PITX3: variants seen among roughly 807,000 people sequenced by gnomAD.
PITX3 encodes the protein pituitary homeobox 3.
A neutral mutation model predicts 14.2 loss-of-function variants in PITX3; 4 were observed. That is an observed-to-expected ratio of 0.28 (90% CI 0.14 to 0.65). PITX3 has a LOEUF of 0.65. Among genes scored for constraint, PITX3 ranks in the 30% least tolerant of loss-of-function variants. The pLI, the probability that PITX3 is intolerant of heterozygous loss-of-function variation, is 0.82. For synonymous variants in PITX3, 194 were observed against 204.5 expected, an observed-to-expected ratio of 0.95 and a Z score of 0.44; for missense variants, 358 against 426.8, an observed-to-expected ratio of 0.84 and a Z score of 1.42.
rs1564992032 is a variant in PITX3 at position 102,232,023 on chromosome 10, C to T, written c.58G>A (p.Asp20Asn). 1.2e-6 allele frequency: 2 copies of T among 1,608,922 alleles called. No individual in the cohort carries two copies. The highest frequency in any genetic ancestry group is 1.7e-6 in the Non-Finnish European group (2 of 1,179,294). ...AGCTGGGGGTGCGGAGTGCCAGCGT[C>T]TGACAGCGACAGGGCAGGGCTCCGG... ...EARSPALSLS[D>N]AGTPHPQLPE... Residue 20 changes from aspartate (D) to asparagine (N), a missense_variant, in exon 2 of 4, where the codon GAC becomes AAC. By Grantham distance (23) the Asp-to-Asn change is conservative (BLOSUM62 1). Coordinates refer to ENST00000370002, the MANE Select transcript of PITX3 (RefSeq NM_005029.4).
Position 102,232,086 on chromosome 10 carries a change from G to A in PITX3, c.-6C>T. 3 of 1,555,650 alleles carry A rather than the reference G, an allele frequency of 1.9e-6. No homozygotes were observed. Among genetic ancestry groups the A allele is most frequent in the Non-Finnish European group, 1.8e-6 (2 of 1,140,188 alleles). ...CTGAGCAGGCCGAACTCCATGGAGG[G>A]AGGGCTCTGGAGGCGAGAGAAGACA... is the stretch of plus-strand genomic sequence containing the variant. On this transcript the variant is annotated 5_prime_UTR_variant, in exon 2 of 4. Coordinates refer to ENST00000370002, the MANE Select transcript of PITX3 (RefSeq NM_005029.4).
Position 102,230,385 on chromosome 10 carries a change from G to T in PITX3, c.*129C>A. ...GAGGGGAAGGCCCTCTCCTGAGCCG[G>T]TGCCCCCCAGCTGCCCAAACACCCC... is the stretch of plus-strand genomic sequence containing the variant. On this transcript the variant is annotated 3_prime_UTR_variant, in exon 4 of 4. Transcript: ENST00000370002. The T allele has an allele frequency of 7.2e-7, 1 of 1,393,864 alleles. No individual in the cohort carries two copies. The allele number at this position is 1,393,864 out of a possible 1,614,324, so 86.3% of individuals were successfully genotyped here.
chr10:102,232,390 T>C (rs2070270360), intron 1 of PITX3, among the ~76,000 whole-genome samples: 2 of 152,152 alleles, frequency 1.3e-5, no homozygotes, highest in South Asian at 4.1e-4. Context: ...TTAATAAAAA[T>C]GTAGACTATA....
chr10:102,238,081 G>C (rs1007709723), intron 1 of PITX3, among the ~76,000 whole-genome samples: 5 of 152,160 alleles, frequency 3.3e-5, no homozygotes, highest in African/African-American at 1.2e-4. Context: ...GCAGGACAAT[G>C]GGAAAGGAGA....
chr10:102,232,039 A>G lies in PITX3; in HGVS notation c.42T>C (p.Pro14=), dbSNP rs367562631. ...GLLSEAEARS[P]ALSLSDAGTP... Reference sequence around the variant, plus strand: ...TGCCAGCGTCTGACAGCGACAGGGCAGGGCTCCGGGCCTCTGCCTCGCTGA... The same window carrying G: ...TGCCAGCGTCTGACAGCGACAGGGCGGGGCTCCGGGCCTCTGCCTCGCTGA... The change falls in exon 2 of 4, where the codon CCT becomes CCC. Residue 14 remains proline, a synonymous_variant. Transcript: ENST00000370002. 3.8e-5 allele frequency: 61 copies of G among 1,606,370 alleles called. No homozygotes were observed. In the East Asian group the frequency reaches 4.9e-4, roughly 13 times the overall value.
At chr10:102,237,790 C>T (rs1236002724) in intron 1 of PITX3, among the ~76,000 whole-genome samples, 2 of 151,704 alleles carry the variant, frequency 1.3e-5, no homozygotes, top group African/African-American at 4.9e-5. Context: ...TAATATAAAA[C>T]CCCCCAATCT....
At chr10:102,240,669 C>T (rs1242542729) in intron 1 of PITX3, among the ~76,000 whole-genome samples, 1 of 152,230 alleles carries the variant, frequency 6.6e-6, no homozygotes, top group Non-Finnish European at 1.5e-5. Context: ...GCACCGCGGA[C>T]ATTCTGTCCG....
chr10:102,230,349 C>A lies in PITX3; in HGVS notation c.*165G>T. The A allele has an allele frequency of 9.0e-7, 1 of 1,117,018 alleles. No individual in the cohort carries two copies. Among genetic ancestry groups the A allele is most frequent in the Non-Finnish European group, 1.2e-6 (1 of 801,584 alleles). The allele number at this position is 1,117,018 out of a possible 1,614,324, so 69.2% of individuals were successfully genotyped here. On this transcript the variant is annotated 3_prime_UTR_variant, in exon 4 of 4. Transcript: ENST00000370002. ...TCTGTGTGTAGGGCCTAGTCCACCCCTCAGGGCTGGGAGGGGAAGGCCCTC... is the reference window on the plus strand; with the variant it reads ...TCTGTGTGTAGGGCCTAGTCCACCCATCAGGGCTGGGAGGGGAAGGCCCTC...
At position 102,231,825 on chromosome 10, in the gene PITX3, C is replaced by T. The variant is rs201857373; in HGVS notation, c.119-35G>A. The T allele has an allele frequency of 9.1e-4, 1,443 of 1,592,660 alleles. 2 individuals carry two copies. Among genetic ancestry groups the T allele is most frequent in the South Asian group, 1.2e-3 (107 of 89,954 alleles). ...AGGGTGGGGGCAGGTCACAGAGCGC[C>T]CAAGCCAGCGCATATTCTCCGGCTC... On this transcript the variant is annotated intron_variant, in intron 2 of 3. Coordinates refer to ENST00000370002, the MANE Select transcript of PITX3 (RefSeq NM_005029.4).
Position 102,230,378 on chromosome 10 carries a change from T to A in PITX3, c.*136A>T, listed in dbSNP as rs1432587153. The A allele has an allele frequency of 8.1e-6, 11 of 1,360,212 alleles. No homozygotes were observed. Among genetic ancestry groups the A allele is most frequent in the Non-Finnish European group, 1.1e-5 (11 of 1,005,850 alleles). 84.3% of individuals were successfully genotyped at this position (1,360,212 alleles called of 1,614,324 possible). On this transcript the variant is annotated 3_prime_UTR_variant, in exon 4 of 4. Transcript: ENST00000370002. The stretch of plus-strand genomic sequence containing the variant: ...GGGCTGGGAGGGGAAGGCCCTCTCC[T>A]GAGCCGGTGCCCCCCAGCTGCCCAA...
At chr10:102,238,090 G>A (rs2070448233) in intron 1 of PITX3, among the ~76,000 whole-genome samples, 1 of 152,174 alleles carries the variant, frequency 6.6e-6, no homozygotes, top group Non-Finnish European at 1.5e-5. Flanking sequence ...TGGGAAAGGA[G>A]AGATAGAGTT....
chr10:102,237,293 T>C (rs2070421064), intron 1 of PITX3, among the ~76,000 whole-genome samples: 1 of 151,938 alleles, frequency 6.6e-6, no homozygotes, highest in Non-Finnish European at 1.5e-5. Context: ...GCTCAGAGAA[T>C]ATAGGCACGT....
At chr10:102,231,440 G>A in intron 3 of PITX3, 148 bp downstream of exon 3, 4 of 634,836 alleles carry the variant, frequency 6.3e-6, no homozygotes. Context: ...TGGCGGGCAA[G>A]AGACCGCGTG....
intron 1 of PITX3, among the ~76,000 whole-genome samples, chr10:102,232,842 C>T (rs3758553): frequency 0.66 from 99,689 of 152,094 alleles, 32,997 homozygotes; most frequent in African/African-American, 0.75. Context: ...ATGTCTGTTA[C>T]CCATTCTCCT....
At chr10:102,232,647 A>T (rs147580548) in intron 1 of PITX3, among the ~76,000 whole-genome samples, 2 of 152,308 alleles carry the variant, frequency 1.3e-5, no homozygotes, top group East Asian at 1.9e-4. Context: ...GTGCTACTGC[A>T]CTCCAGCCTG....
At position 102,231,705 on chromosome 10, in the gene PITX3, G is replaced by C; in HGVS notation, c.204C>G (p.His68Gln). ...GCTCCTGTAGCTGCTGGCTGGTGAA[G>C]TGCGTGCGCTGCCGCCGCTGCTTCT... ...LKKKQRRQRTHFTSQQLQELE... is the reference protein window; with the variant it reads ...LKKKQRRQRTQFTSQQLQELE... Residue 68 changes from histidine to glutamine, a missense_variant, in exon 3 of 4, where the codon CAC (histidine) becomes CAG (glutamine). His to Gln is a conservative substitution (Grantham distance 24, BLOSUM62 0). Coordinates refer to ENST00000370002, the MANE Select transcript of PITX3 (RefSeq NM_005029.4). 1 of 1,610,422 alleles carries C rather than the reference G, an allele frequency of 6.2e-7. No homozygotes were observed. Among genetic ancestry groups the C allele is most frequent in the South Asian group, 1.1e-5 (1 of 90,648 alleles).
At chr10:102,235,166 T>TCCCC (rs1388718222) in intron 1 of PITX3, among the ~76,000 whole-genome samples, 1,342 of 58,530 alleles carry the variant, frequency 0.023, 8 homozygotes, top group African/African-American at 0.048. Context: ...TTATTACCCT[T>TCCCC]CCCCCACCCC....
intron 1 of PITX3, among the ~76,000 whole-genome samples, chr10:102,237,762 T>C (rs547216217): frequency 6.6e-6 from 1 of 152,260 alleles, no homozygotes; most frequent in South Asian, 2.1e-4. Flanking sequence ...TATTTTAATA[T>C]AAAAATAAAG....
At chr10:102,232,812 A>G (rs7923183) in intron 1 of PITX3, among the ~76,000 whole-genome samples, 100,397 of 152,186 alleles carry the variant, frequency 0.66, 33,513 homozygotes, top group African/African-American at 0.76. Flanking sequence ...TCAGCCAATC[A>G]TACCTGAGAC....
Sources: gnomAD v4.1 joint callset for allele counts (sites outside exome capture counted in the v4.1 genomes callset) on GRCh38, gnomAD v4.1.1 for gene constraint, MANE v1.5 for transcripts, NCBI Gene and HGNC (gene_info 2026-07-23, HGNC 2026-07-21) for gene names.